The following WDFY2 variants were observed in gnomAD, a reference collection of about 807,000 sequenced individuals.
WDFY2 encodes WD repeat and FYVE domain-containing protein 2.
WDFY2 carries 36 observed loss-of-function variants against 56.4 expected under a neutral mutation model. The ratio of observed to expected loss-of-function variants is 0.64; its 90% CI spans 0.49 to 0.84. The LOEUF (loss-of-function observed/expected upper bound fraction) is 0.84, where lower values mean the gene tolerates loss of function less well. Ranked by LOEUF, WDFY2 falls within the 40% of genes least tolerant of loss-of-function variation. WDFY2 has a pLI of 0.00. For missense variants in WDFY2, 444 were observed against 512.2 expected, an observed-to-expected ratio of 0.87 and a Z score of 1.29; for synonymous variants, 176 against 183.7, an observed-to-expected ratio of 0.96 and a Z score of 0.34.
chr13:51,708,575 A>C (rs1191562714), intron 4 of WDFY2, among the ~76,000 whole-genome samples: 1 of 133,550 alleles, frequency 7.5e-6, no homozygotes, highest in East Asian at 2.2e-4. Context: ...GTAATTCCCA[A>C]TTAATTAAAA....
intron 1 of WDFY2, among the ~76,000 whole-genome samples, chr13:51,652,673 T>A (rs1566073562): frequency 1.3e-5 from 2 of 152,194 alleles, no homozygotes; most frequent in Admixed American, 1.3e-4. Flanking sequence ...AAGCTTAGTT[T>A]GGCTGGATAT....
intron 8 of WDFY2, 105 bp downstream of exon 8, chr13:51,751,520 A>G (rs1953236870): frequency 6.4e-6 from 7 of 1,089,336 alleles, no homozygotes; most frequent in Non-Finnish European, 8.2e-6. Context: ...TAAGGCATGT[A>G]ACGTTAAAGA....
At chr13:51,633,285 G>A (rs925791683) in intron 1 of WDFY2, among the ~76,000 whole-genome samples, 1 of 152,206 alleles carries the variant, frequency 6.6e-6, no homozygotes, top group Non-Finnish European at 1.5e-5. Flanking sequence ...TGGTGGACTT[G>A]GCCACCCCAT....
chr13:51,669,376 G>A (rs1463073860), intron 2 of WDFY2, among the ~76,000 whole-genome samples: 2 of 152,052 alleles, frequency 1.3e-5, no homozygotes, highest in Non-Finnish European at 2.9e-5. Context: ...AGGAAATAAA[G>A]GGTCTAATTT....
At chr13:51,746,230 G>A (rs925676899) in intron 7 of WDFY2, among the ~76,000 whole-genome samples, 10 of 152,104 alleles carry the variant, frequency 6.6e-5, no homozygotes, top group Admixed American at 6.5e-5. Flanking sequence ...GATTACAGGC[G>A]TGAGCCACTG....
chr13:51,595,459 C>T (rs1336342820), intron 1 of WDFY2, among the ~76,000 whole-genome samples: 1 of 152,148 alleles, frequency 6.6e-6, no homozygotes, highest in Non-Finnish European at 1.5e-5. Flanking sequence ...TCTCTTGACA[C>T]ATGGGAAGAC....
intron 1 of WDFY2, among the ~76,000 whole-genome samples, chr13:51,636,191 T>C (rs1298193638): frequency 1.3e-5 from 2 of 152,242 alleles, no homozygotes; most frequent in African/African-American, 2.4e-5. Context: ...TCAATGAGTC[T>C]GTTAGCTTCA....
At chr13:51,695,035 G>T (rs1951835427) in intron 3 of WDFY2, among the ~76,000 whole-genome samples, 1 of 152,114 alleles carries the variant, frequency 6.6e-6, no homozygotes, top group Non-Finnish European at 1.5e-5. Flanking sequence ...AGCTCCATCA[G>T]CTCCTTTAAG....
At position 51,682,863 on chromosome 13, in the gene WDFY2, A is replaced by T. The variant is rs1476601926; in HGVS notation, c.279+7620A>T. On this transcript the variant is annotated intron_variant, in intron 3 of 11. Coordinates refer to ENST00000298125, the MANE Select transcript of WDFY2 (RefSeq NM_052950.4). ...CATGAGCATTTAGTGGGCCAGTTCCAAGGGGAGGAAATGTCTTAGTCATGG... is the reference window on the plus strand; with the variant it reads ...CATGAGCATTTAGTGGGCCAGTTCCTAGGGGAGGAAATGTCTTAGTCATGG... Among the ~76,000 whole-genome samples the T allele has an allele frequency of 2.6e-5, 4 of 152,200 alleles. No homozygotes were observed. The South Asian group carries it at 8.3e-4, about 31-fold the overall frequency.
chr13:51,715,461 A>T (rs1269485938), intron 4 of WDFY2, among the ~76,000 whole-genome samples: 1 of 152,150 alleles, frequency 6.6e-6, no homozygotes, highest in Non-Finnish European at 1.5e-5. Context: ...CATCAGTATC[A>T]CTGTCTTCCA....
chr13:51,663,946 T>C (rs1358676471), intron 2 of WDFY2, among the ~76,000 whole-genome samples: 2 of 152,220 alleles, frequency 1.3e-5, no homozygotes, highest in Non-Finnish European at 2.9e-5. Context: ...AAATGACTTA[T>C]TTGTTAATTT....
chr13:51,672,886 G>A (rs1955829450), intron 2 of WDFY2, among the ~76,000 whole-genome samples: 1 of 152,140 alleles, frequency 6.6e-6, no homozygotes, highest in Non-Finnish European at 1.5e-5. Flanking sequence ...TGATTTGTGT[G>A]CATTAATTTT....
intron 1 of WDFY2, among the ~76,000 whole-genome samples, chr13:51,620,787 G>A (rs551821947): frequency 3.9e-5 from 6 of 152,248 alleles, no homozygotes; most frequent in Non-Finnish European, 7.4e-5. Flanking sequence ...AATCCTAAAT[G>A]GGAAGTGTGG....
intron 1 of WDFY2, among the ~76,000 whole-genome samples, chr13:51,601,328 A>C (rs767630847): frequency 6.6e-6 from 1 of 152,134 alleles, no homozygotes; most frequent in Admixed American, 6.5e-5. Flanking sequence ...CTCTTTCTGA[A>C]TATGTACCAT....
At chr13:51,710,282 G>T (rs1410316475) in intron 4 of WDFY2, among the ~76,000 whole-genome samples, 8 of 151,956 alleles carry the variant, frequency 5.3e-5, no homozygotes, top group African/African-American at 1.9e-4. Context: ...TTGATGGGAC[G>T]TATCTCAAAA....
In WDFY2 at chr13:51,755,258, T is replaced by G. The variant is rs958863323; in HGVS notation, c.832-100T>G. On this transcript the variant is annotated intron_variant, in intron 8 of 11. Coordinates refer to ENST00000298125, the MANE Select transcript of WDFY2 (RefSeq NM_052950.4). Reference sequence around the variant, plus strand: ...TGAGAAATCACACCTCTGTTTCTTTTAAACACATCCTGATAGCTCCATAAG... The same window carrying G: ...TGAGAAATCACACCTCTGTTTCTTTGAAACACATCCTGATAGCTCCATAAG... 10 of 1,120,578 alleles carry G rather than the reference T, an allele frequency of 8.9e-6. No homozygotes were observed. In the East Asian group the frequency reaches 2.2e-4, roughly 25 times the overall value. 69.4% of individuals were successfully genotyped at this position (1,120,578 alleles called of 1,614,324 possible). A position where few individuals can be genotyped will look rare whatever the true frequency, so the allele number is the denominator to read the frequency against.
intron 4 of WDFY2, among the ~76,000 whole-genome samples, chr13:51,713,862 A>T (rs1952282464): frequency 1.3e-5 from 2 of 151,788 alleles, no homozygotes; most frequent in South Asian, 2.1e-4. Context: ...AAAAAAAAAA[A>T]AAAAGGAGAA....
chr13:51,754,090 C>CAA (rs34329123), intron 8 of WDFY2, among the ~76,000 whole-genome samples: 134 of 100,568 alleles, frequency 1.3e-3, no homozygotes, highest in Admixed American at 2.1e-3. Context: ...AAGGCTGTCT[C>CAA]AAAAAAAAAA....
intron 11 of WDFY2, 143 bp from the exon 12 acceptor site, chr13:51,759,597 T>G (rs1953515555): frequency 1.6e-6 from 1 of 634,944 alleles, no homozygotes; most frequent in Non-Finnish European, 2.6e-6. Context: ...ATGAAAAAAA[T>G]ATTTTACAGA....
Sources: allele counts gnomAD v4.1 joint callset (sites outside exome capture counted in the v4.1 genomes callset), GRCh38; gene constraint gnomAD v4.1.1; transcripts MANE v1.5; gene names NCBI Gene and HGNC (gene_info 2026-07-23, HGNC 2026-07-21).